Variants in JPT1 observed in about 807,000 individuals in gnomAD.
JPT1 encodes the protein androgen-regulated protein 2.
JPT1 carries 5 observed loss-of-function variants against 17.0 expected under a neutral mutation model. The ratio of observed to expected loss-of-function variants is 0.29; its 90% CI spans 0.15 to 0.62. The LOEUF (loss-of-function observed/expected upper bound fraction) is 0.62. Among genes scored for constraint, JPT1 ranks in the 20% least tolerant of loss-of-function variants. The probability of loss-of-function intolerance (pLI) is 0.85; values close to 1 mark genes in which losing one functional copy is unlikely to be tolerated. For missense variants in JPT1, 158 were observed against 188.1 expected, an observed-to-expected ratio of 0.84 and a Z score of 0.94; for synonymous variants, 71 against 73.6, an observed-to-expected ratio of 0.96 and a Z score of 0.18.
In JPT1 at chr17:75,138,049, C is replaced by T. The variant is rs530365924; in HGVS notation, c.317-1799G>A. 1.2e-4 allele frequency among the ~76,000 whole-genome samples: 18 copies of T among 150,418 alleles called. No individual in the cohort carries two copies. In the South Asian group the frequency reaches 3.2e-3, roughly 26 times the overall value. ...TCGGCTCACTGCAACCTGTGCCTCC[C>T]GGGTTCAAGCAATTCTCCTGCCTCA... is the stretch of plus-strand genomic sequence containing the variant. On this transcript the variant is annotated intron_variant, in intron 4 of 4. Coordinates refer to ENST00000409753, the MANE Select transcript of JPT1 (RefSeq NM_016185.4).
intron 4 of JPT1, among the ~76,000 whole-genome samples, chr17:75,140,219 T>A (rs2074282234): frequency 6.6e-6 from 1 of 151,976 alleles, no homozygotes; most frequent in Non-Finnish European, 1.5e-5. Flanking sequence ...CCCAGCCAAA[T>A]GTTTAGAAAC....
chr17:75,150,424 T>G (rs553686238), intron 1 of JPT1, among the ~76,000 whole-genome samples: 1 of 152,324 alleles, frequency 6.6e-6, no homozygotes, highest in African/African-American at 2.4e-5. Flanking sequence ...AGCTAATTTT[T>G]GTATTTTCAG....
intron 2 of JPT1, among the ~76,000 whole-genome samples, chr17:75,148,163 T>G (rs1322087949): frequency 6.6e-6 from 1 of 152,224 alleles, no homozygotes; most frequent in East Asian, 1.9e-4. Flanking sequence ...CTCTCAGTAT[T>G]TCCCATTTCT....
rs77406586 is a variant in JPT1 at position 75,143,854 on chromosome 17, G to A, written c.316+2812C>T. Among the ~76,000 whole-genome samples, 21 of 151,748 alleles carry A rather than the reference G, an allele frequency of 1.4e-4. 1 individual carries two copies. In the East Asian group the frequency reaches 2.5e-3, roughly 18 times the overall value. Reference sequence around the variant, plus strand: ...CTCCATCTCAGAAAAAAAAAAGAGCGAATCTCCATCTCGAGAAAAAAAAGA... The same window carrying A: ...CTCCATCTCAGAAAAAAAAAAGAGCAAATCTCCATCTCGAGAAAAAAAAGA... On this transcript the variant is annotated intron_variant, in intron 4 of 4. Transcript: ENST00000409753.
intron 1 of JPT1, chr17:75,149,141 A>C: frequency 1.2e-6 from 1 of 819,694 alleles, no homozygotes; most frequent in South Asian, 1.4e-5. Context: ...ACTTGAGCCT[A>C]GGAGTTCAAG....
At chr17:75,149,205 A>C (rs2074496823) in intron 1 of JPT1, 2 of 437,118 alleles carry the variant, frequency 4.6e-6, no homozygotes, top group Non-Finnish European at 8.6e-6. Context: ...AAAAATTAAA[A>C]ATTAGCCAAG....
At chr17:75,152,221 CACG>C (rs916017451) in intron 1 of JPT1, among the ~76,000 whole-genome samples, 1 of 152,184 alleles carries the variant, frequency 6.6e-6, no homozygotes, top group African/African-American at 2.4e-5. Context: ...CAGAATCATA[CACG>C]ACAACTAAAT....
chr17:75,144,964 G>A (rs1568033002), intron 4 of JPT1, among the ~76,000 whole-genome samples: 1 of 151,962 alleles, frequency 6.6e-6, no homozygotes, highest in African/African-American at 2.4e-5. Flanking sequence ...AGGCTCAGGA[G>A]CTTCTCCTCT....
intron 4 of JPT1, among the ~76,000 whole-genome samples, chr17:75,137,971 G>C (rs1598186867): frequency 6.7e-6 from 1 of 149,914 alleles, no homozygotes; most frequent in East Asian, 2.0e-4. Context: ...TTTTTCTTTA[G>C]TTGAGATGGA....
At chr17:75,136,303 A>C in intron 4 of JPT1, 53 bp from the exon 5 acceptor site, 1 of 1,483,836 alleles carries the variant, frequency 6.7e-7, no homozygotes, top group Middle Eastern at 1.8e-4. Flanking sequence ...ATTTCCTGTT[A>C]AGATCAAGGA....
In JPT1 at chr17:75,137,665, C is replaced by T. The variant is rs573816964; in HGVS notation, c.317-1415G>A. Among the ~76,000 whole-genome samples, 8 of 147,000 alleles carry T rather than the reference C, an allele frequency of 5.4e-5. No individual in the cohort carries two copies. The South Asian group carries it at 1.7e-3, about 32-fold the overall frequency. ...ATCACAGGCATGAGCCACCTTCACC[C>T]TTCACACAGCCTAGTTTTCCTTTTT... On this transcript the variant is annotated intron_variant, in intron 4 of 4. Coordinates refer to ENST00000409753, the MANE Select transcript of JPT1 (RefSeq NM_016185.4).
intron 4 of JPT1, among the ~76,000 whole-genome samples, chr17:75,142,576 AGAGGGAGGGAGAGGGAGG>A (rs1450599695): frequency 2.1e-4 from 16 of 77,850 alleles, no homozygotes; most frequent in African/African-American, 8.5e-4. Context: ...AGGGGAGGGG[AGAGGGAGGGAGAGGGAGG>A]GAGGGAGGGG....
At chr17:75,149,854 TACACACTTACACACACAC>T (rs1346981314) in intron 1 of JPT1, among the ~76,000 whole-genome samples, 1,048 of 54,434 alleles carry the variant, frequency 0.019, 14 homozygotes, top group African/African-American at 0.042. Context: ...TCTAATCACT[TACACACTTACACACACAC>T]ACACACACAC....
chr17:75,147,489 C>T, intron 3 of JPT1, 67 bp downstream of exon 3: 1 of 1,109,510 alleles, frequency 9.0e-7, no homozygotes, highest in Non-Finnish European at 1.4e-6. Flanking sequence ...TGAACTGAAA[C>T]TCTTAGTACA....
chr17:75,148,579 T>G lies in JPT1; in HGVS notation c.149A>C (p.Asn50Thr), dbSNP rs754012388. 6.2e-7 allele frequency: 1 copy of G among 1,614,178 alleles called. No homozygotes were observed. Among genetic ancestry groups the G allele is most frequent in the Admixed American group, 1.7e-5 (1 of 60,010 alleles). The change falls in exon 2 of 5, where the codon AAT becomes ACT. Residue 50 changes from asparagine (N) to threonine (T), a missense_variant. Coordinates refer to ENST00000409753, the MANE Select transcript of JPT1 (RefSeq NM_016185.4). ...ATTTTCTTCAGGTGTCCCAAAGATA[T>G]TAGAGGCCATTTTGTTCTTCCTCAC... ...QPVRKNKMAS[N>T]IFGTPEENQA...
intron 4 of JPT1, among the ~76,000 whole-genome samples, chr17:75,137,770 CCCGAGTAGCTGGAATTACAGGCATGCA>C (rs1406500815): frequency 2.7e-5 from 4 of 147,966 alleles, no homozygotes; most frequent in Non-Finnish European, 5.9e-5. Flanking sequence ...GCCTCAGCCT[CCCGAGTAGCTGGAATTACAGGCATGCA>C]CCACCATGCC....
intron 2 of JPT1, 57 bp from the exon 3 acceptor site, chr17:75,147,710 C>T: frequency 7.0e-7 from 1 of 1,420,126 alleles, no homozygotes; most frequent in Non-Finnish European, 9.9e-7. Context: ...TAAAGCAAAA[C>T]ACTTCAGGCT....
intron 4 of JPT1, chr17:75,142,617 G>A: frequency 9.6e-6 from 1 of 103,632 alleles, no homozygotes; most frequent in Non-Finnish European, 1.6e-5. Context: ...GGGGGAGAGA[G>A]GAGGGGAGGG....
At chr17:75,152,146 CCAAA>C (rs1291154231) in intron 1 of JPT1, among the ~76,000 whole-genome samples, 4 of 152,022 alleles carry the variant, frequency 2.6e-5, no homozygotes, top group Admixed American at 1.3e-4. Context: ...TGAGATATCC[CCAAA>C]CAAAGGATGT....
Sources: allele counts gnomAD v4.1 joint callset (sites outside exome capture counted in the v4.1 genomes callset), GRCh38; gene constraint gnomAD v4.1.1; transcripts MANE v1.5; gene names NCBI Gene and HGNC (gene_info 2026-07-23, HGNC 2026-07-21).